IQSEC1: variants seen among roughly 807,000 people sequenced by gnomAD.
IQSEC1 encodes IQ motif and Sec7 domain ArfGEF 1.
In IQSEC1, 31 loss-of-function variants were observed where a neutral mutation model predicts 91.0. That is an observed-to-expected ratio of 0.34 (90% CI 0.26 to 0.46). The LOEUF is 0.46. Ranked by LOEUF, IQSEC1 falls within the 20% of genes least tolerant of loss-of-function variation. The pLI, the probability that IQSEC1 is intolerant of heterozygous loss-of-function variation, is 1.00. For missense variants in IQSEC1, 1,388 were observed against 1,575.6 expected (o/e 0.88, Z 2.02); for synonymous variants, 699 against 662.6 (o/e 1.05, Z -0.84).
chr3:12,996,520 G>A (rs1008097460), intron 1 of IQSEC1, among the ~76,000 whole-genome samples: 6 of 152,164 alleles, frequency 3.9e-5, no homozygotes, highest in African/African-American at 1.2e-4. Flanking sequence ...CCCAGGAGCC[G>A]TGAAGGAAGA....
Position 12,970,360 on chromosome 3 carries a change from G to A in IQSEC1, c.24-28495C>T, listed in dbSNP as rs561548644. On this transcript the variant is annotated intron_variant, in intron 1 of 13. Transcript: ENST00000613206. This position sits in a 1 kb window ranked among gnomAD's most constrained non-coding sequence, Gnocchi z 4.4. ...ACAGGATGTAAAAAGTCATGGAGAC[G>A]TTTAGTTCCACTGTATCACCCCATG... 5.3e-5 allele frequency among the ~76,000 whole-genome samples: 8 copies of A among 152,290 alleles called. No individual in the cohort carries two copies. The South Asian group carries it at 1.2e-3, about 24-fold the overall frequency.
chr3:12,956,784 G>A (rs1158334006), intron 1 of IQSEC1, among the ~76,000 whole-genome samples: 2 of 152,200 alleles, frequency 1.3e-5, no homozygotes, highest in Non-Finnish European at 1.5e-5. Flanking sequence ...CGGGAGACCA[G>A]GTCTCTCTAC....
At chr3:12,956,048 T>C (rs1380565291) in intron 1 of IQSEC1, among the ~76,000 whole-genome samples, 3 of 152,212 alleles carry the variant, frequency 2.0e-5, no homozygotes, top group Non-Finnish European at 4.4e-5. Context: ...GGACTCATCT[T>C]GGGGACCTGA....
rs1216943251 is a variant in IQSEC1 at position 12,940,995 on chromosome 3, C to G, written c.318+576G>C. On this transcript the variant is annotated intron_variant, in intron 2 of 13. Transcript: ENST00000613206. This position sits in a 1 kb window ranked among gnomAD's most constrained non-coding sequence, Gnocchi z 4.4. ...TCTGGGCCACCTCTAAGGGCCAAGG[C>G]CCCTGGGGGAGGGGTGCAGTCTTCA... 1.3e-5 allele frequency among the ~76,000 whole-genome samples: 2 copies of G among 152,068 alleles called. No individual in the cohort carries two copies. Among genetic ancestry groups the G allele is most frequent in the Non-Finnish European group, 2.9e-5 (2 of 67,988 alleles).
chr3:13,148,013 T>A (rs562759840), intron 2 of IQSEC1, among the ~76,000 whole-genome samples: 3 of 152,304 alleles, frequency 2.0e-5, no homozygotes, highest in East Asian at 1.9e-4. Flanking sequence ...CAATGGTAGA[T>A]CTACTTTTAG....
At chr3:13,281,075 C>T in intron 1 of IQSEC1, among the ~76,000 whole-genome samples, 1 of 152,230 alleles carries the variant, frequency 6.6e-6, no homozygotes, top group East Asian at 1.9e-4. Context: ...AAGCCATTCC[C>T]CAGGGTGGTG....
At chr3:13,208,788 G>C (rs1694388787) in intron 1 of IQSEC1, among the ~76,000 whole-genome samples, 1 of 152,196 alleles carries the variant, frequency 6.6e-6, no homozygotes, top group East Asian at 1.9e-4. Flanking sequence ...CCCTCCCCAG[G>C]CTGCCCGCAC....
In IQSEC1 at chr3:12,957,712, C is replaced by T. The variant is rs562044696; in HGVS notation, c.24-15847G>A. ...CTGCCAGCCAGGGCCTGTGGTGGGG[C>T]CATCTTGGCCCAGACAATCTTGGTC... On this transcript the variant is annotated intron_variant, in intron 1 of 13. Coordinates refer to ENST00000613206, the MANE Select transcript of IQSEC1 (RefSeq NM_001134382.3). Among the ~76,000 whole-genome samples the T allele has an allele frequency of 2.8e-4, 42 of 152,354 alleles. No individual in the cohort carries two copies. In the South Asian group the frequency reaches 8.1e-3, roughly 29 times the overall value.
chr3:13,242,539 T>C (rs1695036971), intron 1 of IQSEC1, among the ~76,000 whole-genome samples: 1 of 152,196 alleles, frequency 6.6e-6, no homozygotes, highest in Non-Finnish European at 1.5e-5. Flanking sequence ...TAGCTGCACA[T>C]CCCGGCCGTG....
At chr3:12,953,457 C>T (rs1007655599) in intron 1 of IQSEC1, among the ~76,000 whole-genome samples, 11 of 152,232 alleles carry the variant, frequency 7.2e-5, no homozygotes, top group Non-Finnish European at 1.3e-4. Context: ...TTATCTTTAA[C>T]GACTGTCACC....
intron 10 of IQSEC1, among the ~76,000 whole-genome samples, chr3:12,910,427 T>C (rs938616768): frequency 6.6e-6 from 1 of 152,126 alleles, no homozygotes; most frequent in South Asian, 2.1e-4. Flanking sequence ...AGGATCTCAC[T>C]AAGTTCCCAC....
intron 1 of IQSEC1, among the ~76,000 whole-genome samples, chr3:13,018,571 T>C (rs992784517): frequency 6.6e-6 from 1 of 152,236 alleles, no homozygotes; most frequent in Non-Finnish European, 1.5e-5. Context: ...GGCACTGCCC[T>C]GTACCCAGAG....
At position 12,959,309 on chromosome 3, in the gene IQSEC1, A is replaced by G. The variant is rs1299788730; in HGVS notation, c.24-17444T>C. ...TACACGTCCTGGCAAGGGGAAAGCC[A>G]GGGCAACAGGGAGACCCTGCGGAGC... On this transcript the variant is annotated intron_variant, in intron 1 of 13. Coordinates refer to ENST00000613206, the MANE Select transcript of IQSEC1 (RefSeq NM_001134382.3). Among the ~76,000 whole-genome samples, 8 of 152,300 alleles carry G rather than the reference A, an allele frequency of 5.3e-5. No individual in the cohort carries two copies. The East Asian group carries it at 1.5e-3, about 29-fold the overall frequency.
chr3:13,210,159 C>T (rs1251790507), intron 1 of IQSEC1, among the ~76,000 whole-genome samples: 1 of 152,144 alleles, frequency 6.6e-6, no homozygotes, highest in Non-Finnish European at 1.5e-5. Flanking sequence ...CGGACACAAA[C>T]GCACCAGGAT....
intron 2 of IQSEC1, among the ~76,000 whole-genome samples, chr3:13,132,604 C>G (rs1336568865): frequency 6.6e-6 from 1 of 152,218 alleles, no homozygotes; most frequent in Non-Finnish European, 1.5e-5. Flanking sequence ...GCTTCCCTCT[C>G]TCTGAGCTGT....
intron 2 of IQSEC1, among the ~76,000 whole-genome samples, chr3:13,083,767 C>T (rs2125131226): frequency 6.6e-6 from 1 of 152,388 alleles, no homozygotes; most frequent in South Asian, 2.1e-4. Flanking sequence ...CGGCACCTGG[C>T]ATACAGAGTG....
At chr3:12,954,807 A>T (rs546789800) in intron 1 of IQSEC1, among the ~76,000 whole-genome samples, 1 of 152,286 alleles carries the variant, frequency 6.6e-6, no homozygotes, top group African/African-American at 2.4e-5. Context: ...GACCTGCACA[A>T]CCCTGGGAGT....
intron 1 of IQSEC1, among the ~76,000 whole-genome samples, chr3:13,174,508 G>A (rs986214934): frequency 3.3e-5 from 5 of 152,088 alleles, no homozygotes; most frequent in African/African-American, 9.7e-5. Context: ...CCGTCCCAGC[G>A]CTCAGGCAAA....
rs967051193 is a variant in IQSEC1, at chr3:12,897,594, A to T, written c.*3389T>A. 6.6e-6 allele frequency: 1 copy of T among 152,198 alleles called. No homozygotes were observed. The highest frequency in any genetic ancestry group is 2.4e-5 in the African/African-American group (1 of 41,434). 9.4% of individuals were successfully genotyped at this position (152,198 alleles called of 1,614,324 possible). On this transcript the variant is annotated 3_prime_UTR_variant, in exon 14 of 14. Coordinates refer to ENST00000613206, the MANE Select transcript of IQSEC1 (RefSeq NM_001134382.3). ...TCAGCACCCCCACCTCACCCTGCTC[A>T]GTGTTGCAATGCTGCCTTGACTATT...
Sources: allele counts gnomAD v4.1 joint callset (sites outside exome capture counted in the v4.1 genomes callset), GRCh38; gene constraint gnomAD v4.1.1; non-coding constraint Gnocchi (gnomAD v3.1); transcripts MANE v1.5; gene names NCBI Gene and HGNC (gene_info 2026-07-23, HGNC 2026-07-21).